LYPD5: variants seen among roughly 807,000 people sequenced by gnomAD.
LYPD5 encodes the protein ly6/PLAUR domain-containing protein 5.
LYPD5 carries 21 observed loss-of-function variants against 19.1 expected under a neutral mutation model. The observed-to-expected ratio is 1.10, with a 90% CI of 0.78 to 1.58. LYPD5 has a LOEUF of 1.58. LYPD5 is among the 40% of genes most tolerant of loss of function. LYPD5 has a pLI of 0.00. For synonymous variants in LYPD5, 128 were observed against 142.7 expected (o/e 0.90, Z 0.74); for missense variants, 287 against 329.8 (o/e 0.87, Z 1.00).
upstream of LYPD5, among the ~76,000 whole-genome samples, chr19:43,804,169 TCTC>T (rs1350050162): frequency 6.6e-6 from 1 of 152,112 alleles, no homozygotes; most frequent in African/African-American, 2.4e-5. Flanking sequence ...AGGTAAATCT[TCTC>T]CTGGTCTCTT....
chr19:43,820,263 C>T (rs1970407740), intron 1 of LYPD5, among the ~76,000 whole-genome samples: 1 of 152,226 alleles, frequency 6.6e-6, no homozygotes, highest in African/African-American at 2.4e-5. Flanking sequence ...ACCCCATTCC[C>T]TGTGTCACAA....
intron 1 of LYPD5, among the ~76,000 whole-genome samples, chr19:43,811,920 A>C (rs1970327456): frequency 6.6e-6 from 1 of 152,096 alleles, no homozygotes; most frequent in African/African-American, 2.4e-5. Context: ...TTAAAACATC[A>C]AGCATTTTAC....
intron 4 of LYPD5, 82 bp downstream of exon 4, chr19:43,798,373 G>C: frequency 1.3e-6 from 2 of 1,513,422 alleles, no homozygotes; most frequent in Non-Finnish European, 9.0e-7. Context: ...CTCCCTGTTG[G>C]GCCTGTCTGG....
At chr19:43,803,196 C>G (rs10420441), upstream of LYPD5, among the ~76,000 whole-genome samples, 9 of 151,658 alleles carry the variant, frequency 5.9e-5, no homozygotes, top group Admixed American at 3.3e-4. Context: ...AGGGACACCC[C>G]GATAGACACG....
At chr19:43,805,291 T>C (rs1274389838), upstream of LYPD5, among the ~76,000 whole-genome samples, 2 of 152,236 alleles carry the variant, frequency 1.3e-5, no homozygotes, top group African/African-American at 4.8e-5. Flanking sequence ...TCTTGCCTTA[T>C]TGGAAATGAT....
intron 1 of LYPD5, among the ~76,000 whole-genome samples, chr19:43,801,513 A>G (rs1389221693): frequency 2.0e-5 from 3 of 152,164 alleles, no homozygotes; most frequent in African/African-American, 7.2e-5. Flanking sequence ...AAAACAAAAC[A>G]AAAAACAAAA....
Position 43,797,512 on chromosome 19 carries a change from C to G in LYPD5, c.*79G>C. The G allele has an allele frequency of 8.8e-7, 1 of 1,137,494 alleles. No homozygotes were observed. Among genetic ancestry groups the G allele is most frequent in the South Asian group, 1.5e-5 (1 of 68,144 alleles). 70.5% of individuals were successfully genotyped at this position (1,137,494 alleles called of 1,614,324 possible). A position where few individuals can be genotyped will look rare whatever the true frequency, so the allele number is the denominator to read the frequency against. On this transcript the variant is annotated 3_prime_UTR_variant, in exon 5 of 5. Transcript: ENST00000377950. ...GCAATTCTTACTTTAACATCATTTTCCAGTGAGCTATGTGATAGGGGCTGA... is the reference window on the plus strand; with the variant it reads ...GCAATTCTTACTTTAACATCATTTTGCAGTGAGCTATGTGATAGGGGCTGA...
chr19:43,819,192 A>G (rs913611405), intron 1 of LYPD5, among the ~76,000 whole-genome samples: 1 of 151,614 alleles, frequency 6.6e-6, no homozygotes, highest in African/African-American at 2.4e-5. Context: ...ACCTCAACCA[A>G]CTTTCTTTGT....
upstream of LYPD5, among the ~76,000 whole-genome samples, chr19:43,804,903 G>A (rs1471971024): frequency 6.6e-6 from 1 of 152,152 alleles, no homozygotes; most frequent in East Asian, 1.9e-4. Flanking sequence ...TACAGGGTAG[G>A]CAGACCAGTC....
intron 2 of LYPD5, chr19:43,799,196 C>T: frequency 1.7e-6 from 1 of 601,072 alleles, no homozygotes; most frequent in Non-Finnish European, 2.8e-6. Flanking sequence ...ACCTTCTCTT[C>T]CTTGCTTCCC....
intron 2 of LYPD5, 146 bp downstream of exon 2, chr19:43,799,560 T>C: frequency 1.0e-6 from 1 of 967,762 alleles, no homozygotes; most frequent in Non-Finnish European, 1.5e-6. Context: ...CCCTTTTCTT[T>C]TTCTTCCTCC....
At position 43,802,357 on chromosome 19, in the gene LYPD5, G is replaced by A. The variant is rs1026616334; in HGVS notation, c.24C>T (p.Val8=). The change falls in exon 1 of 5, where the codon GTC becomes GTT. Residue 8 remains valine, a synonymous_variant. Transcript: ENST00000377950. ...CAGCCCCAAAGAGGCAGAGCAGAAT[G>A]ACTCTGGGGACCCCCATTGCCATTG... MAMGVPR[V]ILLCLFGAAL... 1 of 1,551,694 alleles carries A rather than the reference G, an allele frequency of 6.4e-7. No individual in the cohort carries two copies. Among genetic ancestry groups the A allele is most frequent in the Admixed American group, 2.0e-5 (1 of 51,006 alleles).
At chr19:43,815,280 G>T (rs1019359139) in intron 1 of LYPD5, among the ~76,000 whole-genome samples, 5 of 152,008 alleles carry the variant, frequency 3.3e-5, no homozygotes, top group African/African-American at 1.2e-4. Context: ...GAAAGTGGGG[G>T]GATTGTTTGA....
At chr19:43,810,131 T>C (rs1568406087) in intron 1 of LYPD5, among the ~76,000 whole-genome samples, 1 of 152,240 alleles carries the variant, frequency 6.6e-6, no homozygotes, top group Non-Finnish European at 1.5e-5. Context: ...AGGTGTAGTG[T>C]TCTTGTGCAG....
Position 43,798,999 on chromosome 19 carries a change from G to C in LYPD5, c.194-11C>G. 6.4e-7 allele frequency: 1 copy of C among 1,556,344 alleles called. No homozygotes were observed. The highest frequency in any genetic ancestry group is 2.4e-5 in the East Asian group (1 of 42,464). ...CCGGCGCGCGATACCCTGGGGGCGG[G>C]ATCGGGGCTCGTGCTCTGCTTCCCG... On this transcript the variant is annotated splice_polypyrimidine_tract_variant and intron_variant, in intron 2 of 4. Coordinates refer to ENST00000377950, the MANE Select transcript of LYPD5 (RefSeq NM_001031749.3).
At chr19:43,804,727 C>T (rs1568404907), upstream of LYPD5, among the ~76,000 whole-genome samples, 1 of 152,176 alleles carries the variant, frequency 6.6e-6, no homozygotes, top group African/African-American at 2.4e-5. Flanking sequence ...CCAGTTTCTG[C>T]CCCAGGCTCT....
At chr19:43,818,685 T>C (rs1379496048) in intron 1 of LYPD5, among the ~76,000 whole-genome samples, 1 of 152,160 alleles carries the variant, frequency 6.6e-6, no homozygotes, top group Non-Finnish European at 1.5e-5. Flanking sequence ...TCTGAGTTCA[T>C]GCAGGGATGT....
At position 43,810,785 on chromosome 19, in the gene LYPD5, C is replaced by T. The variant is rs990471629; in HGVS notation, c.-66+9755G>A. On this transcript the variant is annotated intron_variant, in intron 1 of 4. Coordinates refer to the LYPD5 transcript ENST00000414615. ...CTGGGATTACAGGGGCCTGCCACCA[C>T]GCCTGGCTAATTCTTTGTACTTTTA... Among the ~76,000 whole-genome samples the T allele has an allele frequency of 1.5e-4, 23 of 151,568 alleles. No individual in the cohort carries two copies. In the East Asian group the frequency reaches 4.3e-3, roughly 28 times the overall value.
At chr19:43,799,024 G>A in intron 2 of LYPD5, 36 bp from the exon 3 acceptor site, 1 of 1,525,814 alleles carries the variant, frequency 6.6e-7, no homozygotes, top group African/African-American at 1.4e-5. Context: ...TCTGCTTCCC[G>A]AAACCCTTCT....
Sources: allele counts gnomAD v4.1 joint callset (sites outside exome capture counted in the v4.1 genomes callset), GRCh38; gene constraint gnomAD v4.1.1; transcripts MANE v1.5; gene names NCBI Gene and HGNC (gene_info 2026-07-23, HGNC 2026-07-21).